Variants in TBC1D5 observed in about 807,000 individuals in gnomAD.
The protein encoded by TBC1D5 is TBC1 domain family member 5, also known as TBC1 domain family, member 5.
A neutral mutation model predicts 100.3 loss-of-function variants in TBC1D5; 75 were observed. That is an observed-to-expected ratio of 0.75 (90% CI 0.62 to 0.91). The LOEUF (loss-of-function observed/expected upper bound fraction) is 0.91, where lower values mean the gene tolerates loss of function less well. Among genes scored for constraint, TBC1D5 ranks in the 40% least tolerant of loss-of-function variants. The probability of loss-of-function intolerance (pLI) is 0.00; values close to 1 mark genes in which losing one functional copy is unlikely to be tolerated. For missense variants in TBC1D5, 910 were observed against 942.4 expected (o/e 0.97, Z 0.45); for synonymous variants, 323 against 325.6 (o/e 0.99, Z 0.09).
chr3:17,688,708 A>T (rs1053504824), intron 1 of TBC1D5, among the ~76,000 whole-genome samples: 30 of 152,208 alleles, frequency 2.0e-4, no homozygotes, highest in African/African-American at 7.2e-4. Context: ...AGTCACTCCT[A>T]ACCAGATGCT....
intron 15 of TBC1D5, among the ~76,000 whole-genome samples, chr3:17,291,349 T>C (rs1011661024): frequency 6.6e-6 from 1 of 152,254 alleles, no homozygotes; most frequent in East Asian, 1.9e-4. Context: ...TGCTTTACGC[T>C]CAAATAGAGA....
chr3:17,195,754 C>CT (rs35636355), intron 18 of TBC1D5, among the ~76,000 whole-genome samples: 79 of 144,596 alleles, frequency 5.5e-4, no homozygotes, highest in Non-Finnish European at 9.3e-4. Flanking sequence ...ATATTTCTTT[C>CT]TTTTTTTTTT....
chr3:17,303,874 C>T (rs919600688), intron 14 of TBC1D5, among the ~76,000 whole-genome samples: 19 of 127,620 alleles, frequency 1.5e-4, no homozygotes, highest in Non-Finnish European at 3.0e-4. Context: ...GGCCAGGTAC[C>T]ACTTCCCAGT....
At position 17,640,625 on chromosome 3, in the gene TBC1D5, T is replaced by C. The variant is rs980003284; in HGVS notation, c.-100-16712A>G. Among the ~76,000 whole-genome samples the C allele has an allele frequency of 9.9e-5, 15 of 152,218 alleles. 1 individual carries two copies. In the East Asian group the frequency reaches 2.9e-3, roughly 29 times the overall value. ...TATACCTTTTTAAAGATTTCTGCAG[T>C]GGAAACAAATGAACAAGTGTTAGTC... is the stretch of plus-strand genomic sequence containing the variant. On this transcript the variant is annotated intron_variant, in intron 1 of 21. Coordinates refer to ENST00000253692, the Ensembl canonical transcript of TBC1D5.
At chr3:17,322,838 T>C (rs1359466579) in intron 13 of TBC1D5, among the ~76,000 whole-genome samples, 1 of 152,308 alleles carries the variant, frequency 6.6e-6, no homozygotes, top group Admixed American at 6.5e-5. Flanking sequence ...GGTTTTATAA[T>C]GTTGGGAAAT....
intron 2 of TBC1D5, among the ~76,000 whole-genome samples, chr3:17,548,285 G>A (rs567652961): frequency 2.0e-5 from 3 of 152,228 alleles, no homozygotes; most frequent in Admixed American, 6.5e-5. Context: ...ACTGCACTAA[G>A]GATGGGCAAC....
chr3:17,652,589 T>C (rs2065681121), intron 1 of TBC1D5, among the ~76,000 whole-genome samples: 3 of 152,162 alleles, frequency 2.0e-5, no homozygotes, highest in South Asian at 4.1e-4. Context: ...TTGTTATCAT[T>C]ATAGATGGAA....
In TBC1D5 at chr3:17,369,895, A is replaced by G. The variant is rs187245904; in HGVS notation, c.995+2180T>C. On this transcript the variant is annotated intron_variant, in intron 13 of 21. Coordinates refer to ENST00000253692, the Ensembl canonical transcript of TBC1D5. ...CTATTCTTCAAAGATTAAAAAATAC[A>G]TATTTTAAAAAATAATACAGATGAG... 3.1e-3 allele frequency among the ~76,000 whole-genome samples: 470 copies of G among 152,314 alleles called. 4 individuals carry two copies. The highest frequency in any genetic ancestry group is 0.011 in the African/African-American group (446 of 41,578).
At chr3:17,466,459 A>G (rs1349857838) in intron 3 of TBC1D5, among the ~76,000 whole-genome samples, 2 of 152,246 alleles carry the variant, frequency 1.3e-5, no homozygotes, top group Non-Finnish European at 2.9e-5. Flanking sequence ...AAGACAGCCA[A>G]TGTGTAAGAA....
In TBC1D5 at chr3:17,308,143, A is replaced by G. The variant is rs756943468; in HGVS notation, c.996-9T>C. 1.3e-6 allele frequency: 2 copies of G among 1,565,978 alleles called. No individual in the cohort carries two copies. The highest frequency in any genetic ancestry group is 4.6e-5 in the Admixed American group (2 of 43,656). Reference sequence around the variant, plus strand: ...GCAGCCGCACCCACCTTCTGGAAAGAAACAAAACAAAAATTCAGAAGACAG... The same window carrying G: ...GCAGCCGCACCCACCTTCTGGAAAGGAACAAAACAAAAATTCAGAAGACAG... On this transcript the variant is annotated splice_polypyrimidine_tract_variant and intron_variant, in intron 13 of 21. Transcript: ENST00000253692.
intron 8 of TBC1D5, among the ~76,000 whole-genome samples, chr3:17,400,419 C>T (rs951740225): frequency 6.6e-6 from 1 of 152,058 alleles, no homozygotes; most frequent in Non-Finnish European, 1.5e-5. Flanking sequence ...ATTTGGTGGA[C>T]TTAAAATAAG....
chr3:17,384,847 G>C (rs1276572213), intron 8 of TBC1D5, among the ~76,000 whole-genome samples: 2 of 152,042 alleles, frequency 1.3e-5, no homozygotes, highest in South Asian at 4.1e-4. Context: ...GTGGAGTAAG[G>C]CTGGAAAGAA....
Position 17,225,450 on chromosome 3 carries a change from A to AC in TBC1D5, c.1589-11081_1589-11080insG, listed in dbSNP as rs1454429399. On this transcript the variant is annotated intron_variant, in intron 17 of 21. Transcript: ENST00000253692. ...GTGAGACTCGGTCTCAAAAAAAAAA[A>AC]AAAAAACAAAAAACAAACACCAACC... Among the ~76,000 whole-genome samples the AC allele has an allele frequency of 6.6e-4, 100 of 150,712 alleles. 1 individual carries two copies. Among genetic ancestry groups the AC allele is most frequent in the African/African-American group, 7.8e-4 (32 of 41,056 alleles).
chr3:17,189,299 T>G (rs1179474548), intron 18 of TBC1D5, among the ~76,000 whole-genome samples: 2 of 152,234 alleles, frequency 1.3e-5, no homozygotes, highest in African/African-American at 2.4e-5. Flanking sequence ...AAAACCTTTA[T>G]GTAGCTTAGC....
intron 14 of TBC1D5, among the ~76,000 whole-genome samples, chr3:17,303,831 CTCTTTTT>C (rs1301458781): frequency 1.5e-5 from 2 of 132,492 alleles, no homozygotes; most frequent in Admixed American, 1.6e-4. Context: ...CACAATCTAC[CTCTTTTT>C]TTTTTTTTTT....
intron 13 of TBC1D5, among the ~76,000 whole-genome samples, chr3:17,308,461 T>C (rs1435068208): frequency 2.0e-5 from 3 of 152,096 alleles, no homozygotes; most frequent in South Asian, 4.1e-4. Context: ...GTTGCTTCCA[T>C]AGGTAAGGTT....
rs140533541 is a variant in TBC1D5 at position 17,574,683 on chromosome 3, G to A, written c.-36+49166C>T. 4.6e-5 allele frequency among the ~76,000 whole-genome samples: 7 copies of A among 152,102 alleles called. No homozygotes were observed. In the East Asian group the frequency reaches 7.7e-4, roughly 17 times the overall value. On this transcript the variant is annotated intron_variant, in intron 2 of 21. Coordinates refer to ENST00000253692, the Ensembl canonical transcript of TBC1D5. ...TCTCATAGTCCAGCCATCTATCTCCGCAAGTATAAGATTTCTGGACCAGAA... is the reference window on the plus strand; with the variant it reads ...TCTCATAGTCCAGCCATCTATCTCCACAAGTATAAGATTTCTGGACCAGAA...
At chr3:17,648,742 G>C (rs2065248964) in intron 1 of TBC1D5, among the ~76,000 whole-genome samples, 1 of 152,138 alleles carries the variant, frequency 6.6e-6, no homozygotes, top group Admixed American at 6.6e-5. Context: ...CAGTATCACT[G>C]ATCATTAGAG....
At chr3:17,411,410 G>A (rs1195692717) in intron 4 of TBC1D5, among the ~76,000 whole-genome samples, 1 of 152,102 alleles carries the variant, frequency 6.6e-6, no homozygotes, top group African/African-American at 2.4e-5. Flanking sequence ...TGTGGGGTAT[G>A]TATACACATC....
Sources: gnomAD v4.1 joint callset for allele counts (sites outside exome capture counted in the v4.1 genomes callset) on GRCh38, gnomAD v4.1.1 for gene constraint, MANE v1.5 for transcripts, NCBI Gene and HGNC (gene_info 2026-07-23, HGNC 2026-07-21) for gene names.